The following IL1R2 variants were observed in gnomAD, a reference collection of about 807,000 sequenced individuals.
IL1R2 encodes interleukin 1 receptor type 2.
Under a neutral mutation model 39.5 loss-of-function variants are expected in IL1R2, and 46 were observed. The observed-to-expected ratio is 1.16, with a 90% CI of 0.92 to 1.49. IL1R2 has a LOEUF of 1.49. Among genes scored for constraint, IL1R2 ranks in the 40% most tolerant of loss-of-function variants. The probability of loss-of-function intolerance (pLI) is 0.00; values close to 1 mark genes in which losing one functional copy is unlikely to be tolerated. For missense variants in IL1R2, 537 were observed against 502.0 expected (o/e 1.07, Z -0.67); for synonymous variants, 207 against 189.6 (o/e 1.09, Z -0.75).
At chr2:102,027,151 C>T (rs990589339) in intron 8 of IL1R2, among the ~76,000 whole-genome samples, 1 of 152,200 alleles carries the variant, frequency 6.6e-6, no homozygotes, top group African/African-American at 2.4e-5. Flanking sequence ...CCAGATCCAC[C>T]CTGTCAAATA....
chr2:102,005,779 A>G (rs1233134682), intron 1 of IL1R2, among the ~76,000 whole-genome samples: 1 of 152,210 alleles, frequency 6.6e-6, no homozygotes, highest in East Asian at 1.9e-4. Context: ...TGCCCAGGTA[A>G]GATTCGGGGG....
chr2:102,018,600 G>A (rs3218935), intron 4 of IL1R2, among the ~76,000 whole-genome samples: 3,577 of 152,224 alleles, frequency 0.023, 159 homozygotes, highest in African/African-American at 0.082. Flanking sequence ...CTATTACTGC[G>A]CATGTACTAT....
At chr2:102,006,683 A>C (rs1202514964) in intron 1 of IL1R2, among the ~76,000 whole-genome samples, 3 of 152,136 alleles carry the variant, frequency 2.0e-5, no homozygotes, top group African/African-American at 7.2e-5. Context: ...GGTATGTTCT[A>C]GTGTGTGGGC....
chr2:101,992,723 A>C (rs530265821), intron 1 of IL1R2, among the ~76,000 whole-genome samples: 4 of 152,224 alleles, frequency 2.6e-5, no homozygotes, highest in African/African-American at 9.6e-5. Flanking sequence ...AGACAGAGAG[A>C]GAAAGACAGA....
intron 5 of IL1R2, 146 bp downstream of exon 5, chr2:102,019,958 G>T (rs1233424056): frequency 4.5e-6 from 3 of 667,318 alleles, no homozygotes; most frequent in Non-Finnish European, 7.7e-6. Context: ...TGAAGCATCA[G>T]GTTAATAAGA....
chr2:102,024,452 G>A (rs1677601406), intron 6 of IL1R2, 81 bp from the exon 7 acceptor site: 7 of 975,620 alleles, frequency 7.2e-6, no homozygotes, highest in Non-Finnish European at 1.2e-5. Flanking sequence ...GAGAAGCCGA[G>A]GAGGGACTCA....
chr2:101,993,857 G>A (rs1675460760), intron 1 of IL1R2, among the ~76,000 whole-genome samples: 1 of 152,128 alleles, frequency 6.6e-6, no homozygotes, highest in African/African-American at 2.4e-5. Context: ...TGTGAGCAGA[G>A]GCAGCCAAAT....
chr2:102,000,144 C>G (rs1225388491), intron 1 of IL1R2, among the ~76,000 whole-genome samples: 2 of 152,208 alleles, frequency 1.3e-5, no homozygotes, highest in Non-Finnish European at 2.9e-5. Context: ...TGAGCAAGCT[C>G]CTTATCTCCC....
At chr2:102,025,319 G>T (rs1310692035) in intron 7 of IL1R2, among the ~76,000 whole-genome samples, 3 of 152,166 alleles carry the variant, frequency 2.0e-5, no homozygotes, top group East Asian at 1.9e-4. Context: ...TTGCCAAATG[G>T]TTGTGTTTTT....
chr2:102,015,421 G>A (rs1017810106), intron 3 of IL1R2, among the ~76,000 whole-genome samples: 9 of 152,192 alleles, frequency 5.9e-5, no homozygotes, highest in African/African-American at 2.2e-4. Context: ...TTGCAATATA[G>A]ATGTTCCTCG....
At position 102,026,261 on chromosome 2, in the gene IL1R2, T is replaced by C; in HGVS notation, c.1030+8T>C. On this transcript the variant is annotated splice_region_variant and intron_variant, in intron 8 of 8. Transcript: ENST00000332549. ...GCACCACAGTCAAGGAAGGTATGTA[T>C]GTATTTTGGGGAGCACTATAGGAGA... 1 of 1,603,420 alleles carries C rather than the reference T, an allele frequency of 6.2e-7. No individual in the cohort carries two copies. Among genetic ancestry groups the C allele is most frequent in the Non-Finnish European group, 8.5e-7 (1 of 1,175,116 alleles).
chr2:102,021,545 A>G (rs964715082), intron 5 of IL1R2, among the ~76,000 whole-genome samples: 5 of 151,860 alleles, frequency 3.3e-5, no homozygotes, highest in Non-Finnish European at 7.4e-5. Context: ...CGAACTCCTG[A>G]CCTGTTGATC....
At chr2:102,021,384 C>T (rs576952209) in intron 5 of IL1R2, among the ~76,000 whole-genome samples, 2 of 148,952 alleles carry the variant, frequency 1.3e-5, no homozygotes, top group South Asian at 2.1e-4. Flanking sequence ...GGCGCGATCT[C>T]GGCTCACTGC....
intron 7 of IL1R2, chr2:102,024,946 G>A (rs538658768): frequency 2.5e-5 from 9 of 359,084 alleles, no homozygotes; most frequent in African/African-American, 4.2e-5. Flanking sequence ...ATTTTCGCAA[G>A]TTAAAAAATA....
rs143848738 is a variant in IL1R2, at chr2:102,015,363, C to T, written c.333-508C>T. On this transcript the variant is annotated intron_variant, in intron 3 of 8. Coordinates refer to ENST00000332549, the MANE Select transcript of IL1R2 (RefSeq NM_004633.4). ...ATGCTTTTTCTGTACAATTATGTTA[C>T]GACACTTGTTGCCCCCCAAGTGTTC... Among the ~76,000 whole-genome samples the T allele has an allele frequency of 1.9e-3, 295 of 152,238 alleles. 2 individuals are homozygous for T. Among genetic ancestry groups the T allele is most frequent in the African/African-American group, 6.6e-3 (276 of 41,542 alleles).
intron 3 of IL1R2, among the ~76,000 whole-genome samples, chr2:102,010,594 A>G (rs1319900072): frequency 7.1e-6 from 1 of 140,440 alleles, no homozygotes; most frequent in African/African-American, 2.6e-5. Flanking sequence ...AAAAAAAAAA[A>G]TTAGTCCAAC....
chr2:101,996,508 G>T (rs896492833), intron 1 of IL1R2, among the ~76,000 whole-genome samples: 8 of 54,188 alleles, frequency 1.5e-4, no homozygotes, highest in Admixed American at 5.5e-4. Context: ...TTTTTTTTGG[G>T]GGGGAGAATG....
intron 5 of IL1R2, 175 bp from the exon 6 acceptor site, chr2:102,022,012 C>A: frequency 1.6e-6 from 1 of 611,194 alleles, no homozygotes. Context: ...AGTCATTGGC[C>A]AAGGATGCTC....
chr2:102,011,757 A>T (rs767199770), intron 3 of IL1R2, among the ~76,000 whole-genome samples: 21 of 152,176 alleles, frequency 1.4e-4, no homozygotes, highest in African/African-American at 2.2e-4. Flanking sequence ...TTTAATTTTG[A>T]TCAAGTCCAG....
Sources: gnomAD v4.1 joint callset for allele counts (sites outside exome capture counted in the v4.1 genomes callset) on GRCh38, gnomAD v4.1.1 for gene constraint, MANE v1.5 for transcripts, NCBI Gene and HGNC (gene_info 2026-07-23, HGNC 2026-07-21) for gene names.